Variants in NUDT3 observed in about 807,000 individuals in gnomAD.
The protein encoded by NUDT3 is diphosphoinositol polyphosphate phosphohydrolase 1.
In NUDT3, 9 loss-of-function variants were observed where a neutral mutation model predicts 23.6. The ratio of observed to expected loss-of-function variants is 0.38; its 90% CI spans 0.23 to 0.66. NUDT3 has a LOEUF of 0.66. Ranked by LOEUF, NUDT3 falls within the 30% of genes least tolerant of loss-of-function variation. NUDT3 has a pLI of 0.52. For synonymous variants in NUDT3, 86 were observed against 82.6 expected (o/e 1.04, Z -0.22); for missense variants, 172 against 218.5 (o/e 0.79, Z 1.34).
At chr6:34,321,869 T>G (rs1018853923) in intron 2 of NUDT3, among the ~76,000 whole-genome samples, 1 of 152,258 alleles carries the variant, frequency 6.6e-6, no homozygotes, top group Non-Finnish European at 1.5e-5. Context: ...TACATGTAGC[T>G]ACTGAGCACT....
chr6:34,318,648 G>A (rs1763895522), intron 2 of NUDT3, among the ~76,000 whole-genome samples: 1 of 151,940 alleles, frequency 6.6e-6, no homozygotes, highest in Non-Finnish European at 1.5e-5. Flanking sequence ...TTCTCCTATC[G>A]GTGGACATTT....
chr6:34,363,009 G>C (rs1764673417), intron 1 of NUDT3, among the ~76,000 whole-genome samples: 2 of 152,144 alleles, frequency 1.3e-5, no homozygotes, highest in Non-Finnish European at 2.9e-5. Context: ...CGAATAAAGA[G>C]CTTTTGGTAG....
At chr6:34,345,421 A>C (rs111671909) in intron 1 of NUDT3, among the ~76,000 whole-genome samples, 48,788 of 151,002 alleles carry the variant, frequency 0.32, 9,422 homozygotes, top group African/African-American at 0.5. Flanking sequence ...CCCAGCACTT[A>C]GGGAGGTCGA....
intron 2 of NUDT3, among the ~76,000 whole-genome samples, chr6:34,310,862 T>C (rs1763760076): frequency 6.6e-6 from 1 of 152,116 alleles, no homozygotes; most frequent in African/African-American, 2.4e-5. Flanking sequence ...AATCAATTAA[T>C]GTATTCCATC....
At chr6:34,334,808 C>T (rs895580558) in intron 2 of NUDT3, among the ~76,000 whole-genome samples, 1 of 151,596 alleles carries the variant, frequency 6.6e-6, no homozygotes, top group African/African-American at 2.4e-5. Context: ...TGGCATGCAC[C>T]GGTAGTCCCA....
intron 4 of NUDT3, among the ~76,000 whole-genome samples, chr6:34,292,497 C>A (rs1763438189): frequency 6.6e-6 from 1 of 151,968 alleles, no homozygotes; most frequent in African/African-American, 2.4e-5. Flanking sequence ...CATCTGAGAT[C>A]AAAGAAAATG....
intron 2 of NUDT3, among the ~76,000 whole-genome samples, chr6:34,302,219 G>A (rs1763608948): frequency 6.7e-6 from 1 of 150,350 alleles, no homozygotes; most frequent in Admixed American, 6.6e-5. Context: ...TGGTAGAGAT[G>A]AGGTTTTGCC....
At position 34,389,395 on chromosome 6, in the gene NUDT3, T is replaced by C. The variant is rs374276432; in HGVS notation, c.99+2869A>G. Among the ~76,000 whole-genome samples the C allele has an allele frequency of 3.9e-5, 6 of 152,368 alleles. No homozygotes were observed. In the East Asian group the frequency reaches 7.7e-4, roughly 20 times the overall value. ...GTTTCCTGAGGCTTCCCCAGCCATG[T>C]ATAACTGTGAGTCAATTAAACCTCT... is the stretch of plus-strand genomic sequence containing the variant. On this transcript the variant is annotated intron_variant, in intron 1 of 4. Transcript: ENST00000607016.
rs1181017763 is a variant in NUDT3 at position 34,288,758 on chromosome 6, T to C, written c.514A>G (p.Arg172Gly). Reference protein sequence around the residue: ...VSAQSSMSGIR With the variant: ...VSAQSSMSGIG Reference sequence around the variant, plus strand: ...CTCTTACAGGAAGTCTTCAGTCATCTGATGCCTGACATCGAGCTCTGAGCA... The same window carrying C: ...CTCTTACAGGAAGTCTTCAGTCATCCGATGCCTGACATCGAGCTCTGAGCA... Residue 172 changes from arginine to glycine, a missense_variant, in exon 5 of 5, where the codon AGA (arginine) becomes GGA (glycine). Coordinates refer to ENST00000607016, the MANE Select transcript of NUDT3 (RefSeq NM_006703.4). The C allele has an allele frequency of 6.2e-7, 1 of 1,608,932 alleles. No homozygotes were observed. The highest frequency in any genetic ancestry group is 1.7e-5 in the Admixed American group (1 of 58,336).
Position 34,290,524 on chromosome 6 carries a change from T to A in NUDT3, c.341-1593A>T, listed in dbSNP as rs561954105. Among the ~76,000 whole-genome samples, 485 of 150,732 alleles carry A rather than the reference T, an allele frequency of 3.2e-3. 4 individuals carry two copies. Among genetic ancestry groups the A allele is most frequent in the Middle Eastern group, 0.028 (8 of 290 alleles). The stretch of plus-strand genomic sequence containing the variant: ...GGCATGAGCCACCACACCTGTCCTA[T>A]GTCACACTATTTCTTAAGCAATCTA... On this transcript the variant is annotated intron_variant, in intron 4 of 4. Coordinates refer to ENST00000607016, the MANE Select transcript of NUDT3 (RefSeq NM_006703.4).
intron 1 of NUDT3, among the ~76,000 whole-genome samples, chr6:34,388,589 T>C (rs1283085953): frequency 2.0e-5 from 3 of 152,180 alleles, no homozygotes; most frequent in African/African-American, 4.8e-5. Flanking sequence ...AACATAATTA[T>C]ATAATCTGAG....
In NUDT3 at chr6:34,281,540, G is replaced by A. The variant is rs559316186; in HGVS notation, c.*7213C>T. ...CTTTTCTTTGATTATCAACCAGTTTGACAGTCTTCAGATCACAAAACAATA... is the reference window on the plus strand; with the variant it reads ...CTTTTCTTTGATTATCAACCAGTTTAACAGTCTTCAGATCACAAAACAATA... On this transcript the variant is annotated 3_prime_UTR_variant, in exon 5 of 5. Transcript: ENST00000607016. 3 of 152,178 alleles carry A rather than the reference G, an allele frequency of 2.0e-5. No homozygotes were observed. The South Asian group carries it at 6.2e-4, about 32-fold the overall frequency. The allele number at this position is 152,178 out of a possible 1,614,324, so 9.4% of individuals were successfully genotyped here.
intron 1 of NUDT3, among the ~76,000 whole-genome samples, chr6:34,358,757 G>C (rs1434127002): frequency 6.6e-6 from 1 of 152,070 alleles, no homozygotes; most frequent in Non-Finnish European, 1.5e-5. Flanking sequence ...AGAGTAGACA[G>C]GGCACAAACA....
At chr6:34,354,857 A>G (rs1196476174) in intron 1 of NUDT3, among the ~76,000 whole-genome samples, 1 of 147,386 alleles carries the variant, frequency 6.8e-6, no homozygotes. Context: ...TTTATTTTAT[A>G]TTTGTATACT....
Position 34,349,404 on chromosome 6 carries a change from C to A in NUDT3, c.100-7432G>T, listed in dbSNP as rs571379212. 7.8e-5 allele frequency among the ~76,000 whole-genome samples: 11 copies of A among 140,704 alleles called. No homozygotes were observed. In the South Asian group the frequency reaches 2.4e-3, roughly 31 times the overall value. 92.3% of individuals were successfully genotyped at this position (140,704 alleles called of 152,430 possible). On this transcript the variant is annotated intron_variant, in intron 1 of 4. Coordinates refer to ENST00000607016, the MANE Select transcript of NUDT3 (RefSeq NM_006703.4). ...CTGGGTCAATGGTGTAGCAGCCTTC[C>A]AAGGAGAATATGGAGGCGTCAGTGG...
chr6:34,344,837 G>C (rs1170089806), intron 1 of NUDT3, among the ~76,000 whole-genome samples: 1 of 151,674 alleles, frequency 6.6e-6, no homozygotes, highest in Non-Finnish European at 1.5e-5. Flanking sequence ...GTTTTTAGTA[G>C]AGATGAGGTT....
chr6:34,357,077 A>G (rs1260719836), intron 1 of NUDT3, among the ~76,000 whole-genome samples: 1 of 151,894 alleles, frequency 6.6e-6, no homozygotes, highest in Non-Finnish European at 1.5e-5. Context: ...ACGCCCGGCC[A>G]AATTGTGGTT....
chr6:34,347,599 G>T (rs1292288051), intron 1 of NUDT3, among the ~76,000 whole-genome samples: 1 of 152,200 alleles, frequency 6.6e-6, no homozygotes, highest in Non-Finnish European at 1.5e-5. Context: ...TGATAAATCT[G>T]TGGGAATGAT....
intron 3 of NUDT3, among the ~76,000 whole-genome samples, chr6:34,294,122 G>A (rs1011921936): frequency 1.3e-5 from 2 of 152,100 alleles, no homozygotes; most frequent in African/African-American, 2.4e-5. Context: ...TTGAGTAGCT[G>A]GTACAGGTGC....
Sources: allele counts gnomAD v4.1 joint callset (sites outside exome capture counted in the v4.1 genomes callset), GRCh38; gene constraint gnomAD v4.1.1; transcripts MANE v1.5; gene names NCBI Gene and HGNC (gene_info 2026-07-23, HGNC 2026-07-21).